The following TBCD variants were observed in gnomAD, a reference collection of about 807,000 sequenced individuals.
TBCD encodes tubulin folding cofactor D.
In TBCD, 105 loss-of-function variants were observed where a neutral mutation model predicts 169.3. That is an observed-to-expected ratio of 0.62 (90% CI 0.53 to 0.73). TBCD has a LOEUF of 0.73. Ranked by LOEUF, TBCD falls within the 30% of genes least tolerant of loss-of-function variation. The pLI is 0.00. For missense variants in TBCD, 1,444 were observed against 1,600.1 expected (o/e 0.90, Z 1.66); for synonymous variants, 700 against 643.9 (o/e 1.09, Z -1.32).
In TBCD at chr17:82,915,406, A is replaced by C. The variant is rs545309580; in HGVS notation, c.2038+3617A>C. ...CTTTGTCGTGAATATTCACGAGAGGAGATGAACATCCTGGATGTCCTCAGC... is the reference window on the plus strand; with the variant it reads ...CTTTGTCGTGAATATTCACGAGAGGCGATGAACATCCTGGATGTCCTCAGC... On this transcript the variant is annotated intron_variant, in intron 23 of 38. Coordinates refer to ENST00000355528, the MANE Select transcript of TBCD (RefSeq NM_005993.5). The surrounding 1 kb of genome is among the most constrained non-coding windows in gnomAD (Gnocchi z 4.3). Among the ~76,000 whole-genome samples, 1 of 152,260 alleles carries C rather than the reference A, an allele frequency of 6.6e-6. No individual in the cohort carries two copies. Among genetic ancestry groups the C allele is most frequent in the South Asian group, 2.1e-4 (1 of 4,828 alleles).
At chr17:82,901,021 C>T (rs958298541) in intron 18 of TBCD, among the ~76,000 whole-genome samples, 7 of 152,364 alleles carry the variant, frequency 4.6e-5, no homozygotes, top group East Asian at 3.9e-4. Context: ...GGGGCGCGGG[C>T]GTAGCTTGGA....
At chr17:82,822,077 A>G (rs2052461194) in intron 13 of TBCD, among the ~76,000 whole-genome samples, 1 of 152,220 alleles carries the variant, frequency 6.6e-6, no homozygotes, top group South Asian at 2.1e-4. Context: ...ACCATTCAGT[A>G]GATTAATTCC....
intron 37 of TBCD, among the ~76,000 whole-genome samples, chr17:82,940,239 A>ACACACACACACACG (rs2063049118): frequency 7.8e-6 from 1 of 128,506 alleles, no homozygotes; most frequent in African/African-American, 2.6e-5. Context: ...ACACACACAC[A>ACACACACACACACG]CACACACTTC....
rs770036470 is a variant in TBCD at position 82,929,203 on chromosome 17, C to G, written c.2784C>G (p.Leu928=). ...ACGCCGCCAGCGTGTTCCTGACGCT[C>G]CTGCACTTTGACAGCCCTCCCATCC... ...RAHAASVFLT[L]LHFDSPPIPH... Residue 928 remains leucine (L), a synonymous_variant, in exon 31 of 39, where the codon CTC becomes CTG. Coordinates refer to ENST00000355528, the MANE Select transcript of TBCD (RefSeq NM_005993.5). The G allele has an allele frequency of 2.8e-5, 45 of 1,613,824 alleles. No homozygotes were observed. Among genetic ancestry groups the G allele is most frequent in the Non-Finnish European group, 3.6e-5 (43 of 1,179,892 alleles).
At chr17:82,808,004 T>C (rs1226694361) in intron 11 of TBCD, among the ~76,000 whole-genome samples, 1 of 152,182 alleles carries the variant, frequency 6.6e-6, no homozygotes, top group East Asian at 1.9e-4. Flanking sequence ...GCTCCTACAA[T>C]GACGGTGCTC....
Position 82,889,670 on chromosome 17 carries a change from C to T in TBCD, c.1536C>T (p.Ala512=), listed in dbSNP as rs759467452. Residue 512 remains alanine, a splice_region_variant and synonymous_variant, in exon 16 of 39, where the codon GCC becomes GCT. Transcript: ENST00000355528. This position sits in a 1 kb window ranked among gnomAD's most constrained non-coding sequence, Gnocchi z 5.3. The stretch of plus-strand genomic sequence containing the variant: ...TGTGTTTGTTCTTTGCTCCGCAGGC[C>T]GCCTTCCAGGAGAATGTGGGGAGAC... ...RDINCRRAAS[A]AFQENVGRQG... The T allele has an allele frequency of 1.5e-5, 25 of 1,613,836 alleles. No individual in the cohort carries two copies. The highest frequency in any genetic ancestry group is 1.5e-4 in the African/African-American group (11 of 75,028).
In TBCD at chr17:82,752,161, G is replaced by C. The variant is rs1598350951; in HGVS notation, c.-33G>C. 6.8e-7 allele frequency: 1 copy of C among 1,469,210 alleles called. No individual in the cohort carries two copies. The highest frequency in any genetic ancestry group is 9.0e-7 in the Non-Finnish European group (1 of 1,116,400). The allele number at this position is 1,469,210 out of a possible 1,614,324, so 91.0% of individuals were successfully genotyped here. Reference sequence around the variant, plus strand: ...CTAGCGGAGTGGGATCTGCGAACACGTGAGGCGGGGGCGCGGTCCCCAGGC... The same window carrying C: ...CTAGCGGAGTGGGATCTGCGAACACCTGAGGCGGGGGCGCGGTCCCCAGGC... On this transcript the variant is annotated 5_prime_UTR_variant, in exon 1 of 39. Transcript: ENST00000355528.
intron 38 of TBCD, 115 bp downstream of exon 38, chr17:82,941,598 C>T (rs999492888): frequency 2.3e-5 from 21 of 907,480 alleles, no homozygotes; most frequent in South Asian, 4.8e-5. Context: ...CCCGTTCCCT[C>T]GTCTCATGTC....
chr17:82,754,074 A>C (rs1049018856), intron 1 of TBCD, among the ~76,000 whole-genome samples: 31 of 151,448 alleles, frequency 2.0e-4, no homozygotes, highest in Admixed American at 9.9e-4. Flanking sequence ...GACGGGTTTC[A>C]TCGTGTTAGC....
intron 14 of TBCD, among the ~76,000 whole-genome samples, chr17:82,871,019 G>A (rs151177690): frequency 8.9e-4 from 135 of 152,360 alleles, no homozygotes; most frequent in African/African-American, 3.1e-3. Context: ...GAACCTCTGG[G>A]AGGTAGGGAG....
At position 82,874,091 on chromosome 17, in the gene TBCD, G is replaced by T. The variant is rs1358361606; in HGVS notation, c.1475+3711G>T. Among the ~76,000 whole-genome samples the T allele has an allele frequency of 6.6e-6, 1 of 152,212 alleles. No individual in the cohort carries two copies. Among genetic ancestry groups the T allele is most frequent in the African/African-American group, 2.4e-5 (1 of 41,454 alleles). ...GTCGTGGTCTGCCCAGCTGGGTGTG[G>T]GGTTGAGCCCATCATGCTGTGGGGT... On this transcript the variant is annotated intron_variant, in intron 14 of 38. Transcript: ENST00000355528. The surrounding 1 kb of genome is among the most constrained non-coding windows in gnomAD (Gnocchi z 5.0).
At chr17:82,763,795 A>G (rs1380579933) in intron 2 of TBCD, among the ~76,000 whole-genome samples, 170 bp from the exon 3 acceptor site, 1 of 152,180 alleles carries the variant, frequency 6.6e-6, no homozygotes, top group Non-Finnish European at 1.5e-5. Flanking sequence ...GCTGGAGTGC[A>G]ATAGTAGGAT....
intron 6 of TBCD, among the ~76,000 whole-genome samples, chr17:82,778,480 A>G (rs2048738000): frequency 6.6e-6 from 1 of 152,054 alleles, no homozygotes; most frequent in Admixed American, 6.5e-5. Flanking sequence ...TCTTTTCGAG[A>G]CAGGGTCTCA....
intron 34 of TBCD, 36 bp from the exon 35 acceptor site, chr17:82,937,235 G>C: frequency 6.2e-7 from 1 of 1,603,118 alleles, no homozygotes. Flanking sequence ...GGCTGCCTGT[G>C]AAAGCTCATC....
chr17:82,928,529 G>A (rs1332338323), intron 30 of TBCD, among the ~76,000 whole-genome samples: 1 of 151,376 alleles, frequency 6.6e-6, no homozygotes, highest in Non-Finnish European at 1.5e-5. Context: ...TGCCCTTGCG[G>A]ATCTCTGTCA....
intron 12 of TBCD, 104 bp from the exon 13 acceptor site, chr17:82,814,736 G>A: frequency 9.1e-7 from 1 of 1,101,486 alleles, no homozygotes; most frequent in South Asian, 1.3e-5. Flanking sequence ...GAGCCTTACA[G>A]GCAGAGGATA....
rs962416987 is a variant in TBCD at position 82,838,806 on chromosome 17, G to A, written c.1318+23872G>A. 5.5e-5 allele frequency: 54 copies of A among 985,268 alleles called. 1 individual carries two copies. The highest frequency in any genetic ancestry group is 1.4e-5 in the Non-Finnish European group (12 of 829,932). The allele number at this position is 985,268 out of a possible 1,614,324, so 61.0% of individuals were successfully genotyped here. On this transcript the variant is annotated intron_variant, in intron 13 of 38. Coordinates refer to ENST00000355528, the MANE Select transcript of TBCD (RefSeq NM_005993.5). The stretch of plus-strand genomic sequence containing the variant: ...CCAGGGGCTCTTAACTCTAGTTTCG[G>A]CAGGAGATCCCGAGTTACAGACCTG...
Position 82,900,660 on chromosome 17 carries a change from T to C in TBCD, c.1659T>C (p.Ile553=), listed in dbSNP as rs2059828111. ...SNCFLVISVF[I]AGFPEYTQPM... is the part of the protein sequence containing the mutation. ...ATGCTGTCTTTTCCAGTGTGTTTAT[T>C]GCCGGCTTTCCTGAGTACACGCAGC... Residue 553 remains isoleucine (I), a synonymous_variant, in exon 18 of 39, where the codon ATT becomes ATC. Transcript: ENST00000355528. 1 of 1,613,820 alleles carries C rather than the reference T, an allele frequency of 6.2e-7. No homozygotes were observed. The highest frequency in any genetic ancestry group is 1.3e-5 in the African/African-American group (1 of 74,936).
intron 13 of TBCD, among the ~76,000 whole-genome samples, chr17:82,819,329 G>A (rs983762970): frequency 6.6e-6 from 1 of 152,166 alleles, no homozygotes; most frequent in Non-Finnish European, 1.5e-5. Flanking sequence ...CAGGAAAAAA[G>A]CATCGCATTT....
Sources: allele counts gnomAD v4.1 joint callset (sites outside exome capture counted in the v4.1 genomes callset), GRCh38; gene constraint gnomAD v4.1.1; non-coding constraint Gnocchi (gnomAD v3.1); transcripts MANE v1.5; gene names NCBI Gene and HGNC (gene_info 2026-07-23, HGNC 2026-07-21).